KCNQ2: variants seen among roughly 807,000 people sequenced by gnomAD.
KCNQ2 encodes the protein potassium voltage-gated channel subfamily Q member 2.
In KCNQ2, 14 loss-of-function variants were observed where a neutral mutation model predicts 84.8. That is an observed-to-expected ratio of 0.17 (90% CI 0.11 to 0.26). The LOEUF is 0.26. KCNQ2 is among the 10% of genes least tolerant of loss of function. The pLI is 1.00. For missense variants in KCNQ2, 788 were observed against 1,254.0 expected, an observed-to-expected ratio of 0.63 and a Z score of 5.61; for synonymous variants, 599 against 554.1, an observed-to-expected ratio of 1.08 and a Z score of -1.14.
intron 5 of KCNQ2, among the ~76,000 whole-genome samples, chr20:63,440,037 G>T (rs1411364605): frequency 6.6e-6 from 1 of 152,254 alleles, no homozygotes; most frequent in South Asian, 2.1e-4. Context: ...CAGGTGAAGA[G>T]TGCAGCTGGG....
At chr20:63,413,677 G>C in intron 14 of KCNQ2, 96 bp from the exon 15 acceptor site, 2 of 1,419,708 alleles carry the variant, frequency 1.4e-6, no homozygotes, top group Non-Finnish European at 9.9e-7. Flanking sequence ...TCGGCGCCTG[G>C]AGATGGCTGG....
chr20:63,442,833 C>T (rs1171611966), intron 4 of KCNQ2, among the ~76,000 whole-genome samples: 5 of 66,268 alleles, frequency 7.5e-5, no homozygotes, highest in East Asian at 5.2e-4. Flanking sequence ...ATCACCATCA[C>T]CACCACCACC....
rs1279317023 is a variant in KCNQ2, at chr20:63,443,466, T to C, written c.691-935A>G. On this transcript the variant is annotated intron_variant, in intron 4 of 16. Coordinates refer to ENST00000359125, the MANE Select transcript of KCNQ2 (RefSeq NM_172107.4). ...ACCACCACCATCACCATCACCACCATCACCACCATCATCACCACCACCATC... is the reference window on the plus strand; with the variant it reads ...ACCACCACCATCACCATCACCACCACCACCACCATCATCACCACCACCATC... Among the ~76,000 whole-genome samples, 152 of 30,916 alleles carry C rather than the reference T, an allele frequency of 4.9e-3. 1 individual carries two copies. The highest frequency in any genetic ancestry group is 0.014 in the African/African-American group (111 of 7,842). The allele number at this position is 30,916 out of a possible 152,430, so 20.3% of individuals were successfully genotyped here. A position where few individuals can be genotyped will look rare whatever the true frequency, so the allele number is the denominator to read the frequency against.
chr20:63,408,604 T>C lies in KCNQ2; in HGVS notation c.1764-68A>G, dbSNP rs1055961988. 1.9e-6 allele frequency: 3 copies of C among 1,583,342 alleles called. No individual in the cohort carries two copies. The highest frequency in any genetic ancestry group is 2.6e-6 in the Non-Finnish European group (3 of 1,168,438). ...CAGCAGGGCCCCTGCCCTCTCCTCC[T>C]GGACCAGGCCACAGTGCCCCTGGGT... On this transcript the variant is annotated intron_variant, in intron 15 of 16. Transcript: ENST00000359125. This position sits in a 1 kb window ranked among gnomAD's most constrained non-coding sequence, Gnocchi z 5.0.
chr20:63,433,853 G>C lies in KCNQ2; in HGVS notation c.1074C>G (p.Ser358=). 1 of 1,613,858 alleles carries C rather than the reference G, an allele frequency of 6.2e-7. No individual in the cohort carries two copies. Among genetic ancestry groups the C allele is most frequent in the Non-Finnish European group, 8.5e-7 (1 of 1,179,816 alleles). The change falls in exon 8 of 17, where the codon TCC becomes TCG. Residue 358 remains serine (S), a synonymous_variant. Transcript: ENST00000359125. ...ATNLSRTDLH[S]TWQYYERTVT... ...CCGTTCGCTCGTAGTACTGCCACGT[G>C]GAGTGCAGGTCTGTGCGCGAGAGGT...
In KCNQ2 at chr20:63,472,174, G is replaced by A. The variant is rs1131691879; in HGVS notation, c.290C>T (p.Ala97Val). ...GGCCCCGCCGGCCACTCACACGTAGGCGTGGTAGATGAACGCCCAGCCGCG... is the reference window on the plus strand; with the variant it reads ...GGCCCCGCCGGCCACTCACACGTAGACGTGGTAGATGAACGCCCAGCCGCG... ...RPRGWAFIYH[A>V]YVFLLVFSCL... Residue 97 changes from alanine (A) to valine (V), a missense_variant, in exon 1 of 17, where the codon GCC (alanine) becomes GTC (valine). Physicochemically the swap from Ala to Val is moderately conservative, Grantham distance 64. Around this residue, in one of 8 missense-constraint regions of KCNQ2, gnomAD observed 106 missense variants for 214.8 expected, o/e 0.49. Transcript: ENST00000359125. 9.8e-6 allele frequency: 15 copies of A among 1,526,840 alleles called. No individual in the cohort carries two copies. The highest frequency in any genetic ancestry group is 1.3e-5 in the Non-Finnish European group (15 of 1,137,814). The allele number at this position is 1,526,840 out of a possible 1,614,324, so 94.6% of individuals were successfully genotyped here.
chr20:63,461,102 C>T (rs879671755), intron 1 of KCNQ2: 4 of 152,242 alleles, frequency 2.6e-5, no homozygotes, highest in Non-Finnish European at 4.4e-5. Context: ...CTTTCCCAGT[C>T]TCCTGCGGTG....
At chr20:63,440,320 C>T (rs932736600) in intron 5 of KCNQ2, among the ~76,000 whole-genome samples, 2 of 152,130 alleles carry the variant, frequency 1.3e-5, no homozygotes, top group Non-Finnish European at 2.9e-5. Context: ...CAGGAGCACC[C>T]GACTCGGGGC....
intron 12 of KCNQ2, among the ~76,000 whole-genome samples, chr20:63,417,749 C>T (rs1416656245): frequency 6.6e-6 from 1 of 152,344 alleles, no homozygotes; most frequent in Middle Eastern, 3.4e-3. Flanking sequence ...AGAGAAGACC[C>T]AGCCCCGACG....
At chr20:63,470,467 T>C (rs1330296830) in intron 1 of KCNQ2, among the ~76,000 whole-genome samples, 1 of 152,108 alleles carries the variant, frequency 6.6e-6, no homozygotes, top group African/African-American at 2.4e-5. Flanking sequence ...GGACTGCTGC[T>C]CTCAGGAGGC....
At chr20:63,461,378 C>G (rs997381359) in intron 1 of KCNQ2, among the ~76,000 whole-genome samples, 1 of 152,162 alleles carries the variant, frequency 6.6e-6, no homozygotes. Context: ...GTACCTTGCC[C>G]CAGCAGCCAC....
At chr20:63,458,421 C>T (rs2081862287) in intron 1 of KCNQ2, among the ~76,000 whole-genome samples, 1 of 152,208 alleles carries the variant, frequency 6.6e-6, no homozygotes, top group Admixed American at 6.5e-5. Flanking sequence ...GCCGTCCCTG[C>T]CCCAGGGCCT....
chr20:63,427,506 TCCTAGAC>T (rs2080667836), intron 10 of KCNQ2, among the ~76,000 whole-genome samples: 1 of 152,342 alleles, frequency 6.6e-6, no homozygotes, highest in East Asian at 1.9e-4. Flanking sequence ...TCTTTCACAG[TCCTAGAC>T]GCCAGAGTCC....
intron 8 of KCNQ2, among the ~76,000 whole-genome samples, chr20:63,432,044 A>C (rs186965062): frequency 0.012 from 1,034 of 85,458 alleles, 5 homozygotes; most frequent in African/African-American, 0.013. Context: ...TCAGGGAAGG[A>C]TCCACCCACA....
rs138211047 is a variant in KCNQ2, at chr20:63,425,193, G to A, written c.1218-987C>T. 7.7e-4 allele frequency among the ~76,000 whole-genome samples: 117 copies of A among 152,296 alleles called. No homozygotes were observed. The highest frequency in any genetic ancestry group is 2.7e-3 in the African/African-American group (111 of 41,538). On this transcript the variant is annotated intron_variant, in intron 10 of 16. Coordinates refer to ENST00000359125, the MANE Select transcript of KCNQ2 (RefSeq NM_172107.4). The surrounding 1 kb of genome is among the most constrained non-coding windows in gnomAD (Gnocchi z 5.5). ...CACCAGGCTCATCAGGATGTTCCAG[G>A]ATGACCTCATCTCAAGATCCCAAGC...
intron 1 of KCNQ2, among the ~76,000 whole-genome samples, chr20:63,456,620 A>G (rs1397465451): frequency 6.6e-6 from 1 of 152,140 alleles, no homozygotes; most frequent in East Asian, 1.9e-4. Flanking sequence ...TCCACGGGCT[A>G]AGCTTCTCAG....
At position 63,408,569 on chromosome 20, in the gene KCNQ2, C is replaced by T. The variant is rs201038407; in HGVS notation, c.1764-33G>A. On this transcript the variant is annotated intron_variant, in intron 15 of 16. Transcript: ENST00000359125. The surrounding 1 kb of genome is among the most constrained non-coding windows in gnomAD (Gnocchi z 5.0). ...GAACAGAGACCCCAAAGCATGAGTT[C>T]GGGTGGGTGCAGCAGGGCCCCTGCC... is the stretch of plus-strand genomic sequence containing the variant. 128 of 1,606,894 alleles carry T rather than the reference C, an allele frequency of 8.0e-5. No individual in the cohort carries two copies. Among genetic ancestry groups the T allele is most frequent in the Non-Finnish European group, 1.0e-4 (121 of 1,178,098 alleles).
intron 1 of KCNQ2, among the ~76,000 whole-genome samples, chr20:63,463,483 C>T (rs922905354): frequency 6.6e-6 from 1 of 152,168 alleles, no homozygotes; most frequent in African/African-American, 2.4e-5. Context: ...GTCCCACACA[C>T]GTGCCCTCTG....
At chr20:63,426,026 C>T (rs1008471622) in intron 10 of KCNQ2, among the ~76,000 whole-genome samples, 4 of 152,216 alleles carry the variant, frequency 2.6e-5, no homozygotes, top group Admixed American at 2.0e-4. Context: ...CTCTCAGCCC[C>T]GCCGGCCTCT....
Sources: gnomAD v4.1 joint callset for allele counts (sites outside exome capture counted in the v4.1 genomes callset) on GRCh38, gnomAD v4.1.1 for gene constraint, gnomAD v4.1.1 regional missense constraint, Gnocchi (gnomAD v3.1) non-coding constraint, MANE v1.5 for transcripts, NCBI Gene and HGNC (gene_info 2026-07-23, HGNC 2026-07-21) for gene names.